The following RARB variants were observed in gnomAD, a reference collection of about 807,000 sequenced individuals.
RARB encodes retinoic acid receptor beta.
RARB carries 17 observed loss-of-function variants against 51.9 expected under a neutral mutation model. That is an observed-to-expected ratio of 0.33 (90% confidence interval 0.22 to 0.49). The LOEUF (loss-of-function observed/expected upper bound fraction) is 0.49, where lower values mean the gene tolerates loss of function less well. Ranked by LOEUF, RARB falls within the 20% of genes least tolerant of loss-of-function variation. RARB has a pLI of 0.99. For missense variants in RARB, 369 were observed against 550.8 expected, an observed-to-expected ratio of 0.67 and a Z score of 3.30; for synonymous variants, 215 against 195.4, an observed-to-expected ratio of 1.10 and a Z score of -0.84.
intron 2 of RARB, among the ~76,000 whole-genome samples, chr3:24,964,955 C>T (rs1368540569): frequency 6.6e-6 from 1 of 152,124 alleles, no homozygotes. Flanking sequence ...CACCTATGAA[C>T]TATATACAGT....
chr3:25,076,686 T>C (rs543513349), intron 3 of RARB, among the ~76,000 whole-genome samples: 70 of 152,330 alleles, frequency 4.6e-4, no homozygotes, highest in African/African-American at 1.7e-3. Context: ...AATTTTGTTT[T>C]GTGAAAAACA....
At chr3:25,351,211 T>G (rs1427143523) in intron 5 of RARB, among the ~76,000 whole-genome samples, 2 of 152,186 alleles carry the variant, frequency 1.3e-5, no homozygotes, top group African/African-American at 4.8e-5. Flanking sequence ...TGTCTTTCAC[T>G]TGATGGAGAG....
chr3:25,363,263 G>A (rs142280511), intron 5 of RARB, among the ~76,000 whole-genome samples: 1 of 152,230 alleles, frequency 6.6e-6, no homozygotes, highest in East Asian at 1.9e-4. Flanking sequence ...AGGCTGTGGG[G>A]CTAGTCTGAT....
intron 5 of RARB, among the ~76,000 whole-genome samples, chr3:25,330,802 T>A (rs1189026106): frequency 6.6e-6 from 1 of 151,744 alleles, no homozygotes; most frequent in African/African-American, 2.4e-5. Flanking sequence ...AGGCTCAAAA[T>A]AAAGGGATGG....
At chr3:25,214,903 C>T (rs1012180657) in intron 5 of RARB, among the ~76,000 whole-genome samples, 1 of 152,290 alleles carries the variant, frequency 6.6e-6, no homozygotes, top group Admixed American at 6.5e-5. Flanking sequence ...ATTCTTACCT[C>T]AGGGAAGAGT....
At chr3:24,848,960 T>C (rs551260295) in intron 1 of RARB, among the ~76,000 whole-genome samples, 1 of 152,274 alleles carries the variant, frequency 6.6e-6, no homozygotes, top group South Asian at 2.1e-4. Context: ...TGCACTAAAT[T>C]TCATTGTCTT....
intron 2 of RARB, among the ~76,000 whole-genome samples, chr3:24,889,066 A>G (rs1477615537): frequency 6.6e-6 from 1 of 152,208 alleles, no homozygotes; most frequent in East Asian, 1.9e-4. Flanking sequence ...TGCTGAGGGC[A>G]GGAAGTGAGA....
chr3:25,013,373 A>G (rs1002424071), intron 2 of RARB, among the ~76,000 whole-genome samples: 2 of 152,066 alleles, frequency 1.3e-5, no homozygotes, highest in Non-Finnish European at 2.9e-5. Context: ...CATCACATAG[A>G]TACCTAGAAA....
In RARB at chr3:25,512,686, C is replaced by T. The variant is rs1282960989; in HGVS notation, c.448+11363C>T. Among the ~76,000 whole-genome samples, 4 of 152,208 alleles carry T rather than the reference C, an allele frequency of 2.6e-5. No individual in the cohort carries two copies. In the East Asian group the frequency reaches 7.7e-4, roughly 29 times the overall value. ...TTCTTCCTAAATGAGCAGGCATGCG[C>T]ACATACACGCGACACACTTTTCTAA... On this transcript the variant is annotated intron_variant, in intron 3 of 7. Coordinates refer to ENST00000330688, the MANE Select transcript of RARB (RefSeq NM_000965.5).
intron 3 of RARB, among the ~76,000 whole-genome samples, chr3:25,120,598 CA>C (rs1275457675): frequency 1.4e-5 from 2 of 143,334 alleles, no homozygotes; most frequent in Non-Finnish European, 3.0e-5. Flanking sequence ...TCTGAATGTG[CA>C]GTTCAACCAC....
chr3:25,391,665 G>C (rs189872009), intron 5 of RARB, among the ~76,000 whole-genome samples: 1 of 152,222 alleles, frequency 6.6e-6, no homozygotes, highest in African/African-American at 2.4e-5. Flanking sequence ...TTTTTCATAT[G>C]TTTGTTGGCC....
intron 5 of RARB, among the ~76,000 whole-genome samples, chr3:25,281,048 A>C (rs1480610805): frequency 6.6e-6 from 1 of 152,218 alleles, no homozygotes; most frequent in Non-Finnish European, 1.5e-5. Context: ...GTGCCTATGA[A>C]ACTGCATTTG....
intron 2 of RARB, among the ~76,000 whole-genome samples, chr3:25,009,427 T>C (rs1697347323): frequency 6.6e-6 from 1 of 152,164 alleles, no homozygotes; most frequent in Admixed American, 6.6e-5. Flanking sequence ...TCTGCTTTTA[T>C]CCTCCACTGG....
intron 2 of RARB, among the ~76,000 whole-genome samples, chr3:25,010,555 T>A (rs571135276): frequency 6.6e-6 from 1 of 152,256 alleles, no homozygotes; most frequent in African/African-American, 2.4e-5. Context: ...CAGATTATTG[T>A]AGGGACTCAC....
chr3:25,026,450 C>T (rs1697750123), intron 2 of RARB, among the ~76,000 whole-genome samples: 1 of 152,180 alleles, frequency 6.6e-6, no homozygotes, highest in African/African-American at 2.4e-5. Context: ...AGGTGGCTCC[C>T]TTCTTGCCAT....
intron 2 of RARB, among the ~76,000 whole-genome samples, chr3:24,948,412 G>T (rs760168509): frequency 6.6e-6 from 1 of 152,224 alleles, no homozygotes; most frequent in Non-Finnish European, 1.5e-5. Flanking sequence ...ACCACACAGA[G>T]TGTGGATAAA....
At chr3:25,502,724 C>T (rs140320368) in intron 3 of RARB, among the ~76,000 whole-genome samples, 1 of 152,206 alleles carries the variant, frequency 6.6e-6, no homozygotes, top group East Asian at 1.9e-4. Flanking sequence ...GACAGGAGTA[C>T]CCTTCCCTCC....
intron 5 of RARB, among the ~76,000 whole-genome samples, chr3:25,413,350 A>G (rs1016438878): frequency 1.3e-5 from 2 of 152,324 alleles, no homozygotes; most frequent in East Asian, 1.9e-4. Context: ...TTGTGTGAAT[A>G]TATCACATTT....
chr3:25,515,777 G>A (rs1698134210), intron 3 of RARB, among the ~76,000 whole-genome samples: 1 of 152,144 alleles, frequency 6.6e-6, no homozygotes, highest in African/African-American at 2.4e-5. Context: ...ACTCAAAAGA[G>A]CCACATGGAA....
Sources: gnomAD v4.1 joint callset for allele counts (sites outside exome capture counted in the v4.1 genomes callset) on GRCh38, gnomAD v4.1.1 for gene constraint, MANE v1.5 for transcripts, NCBI Gene and HGNC (gene_info 2026-07-23, HGNC 2026-07-21) for gene names.